MACROD2: variants seen among roughly 807,000 people sequenced by gnomAD.
MACROD2 encodes the protein ADP-ribose glycohydrolase MACROD2.
A neutral mutation model predicts 70.4 loss-of-function variants in MACROD2; 36 were observed. The observed-to-expected ratio is 0.51, with a 90% CI of 0.39 to 0.68. MACROD2 has a LOEUF of 0.68. MACROD2 is among the 30% of genes least tolerant of loss of function. The probability of loss-of-function intolerance (pLI) is 0.00; values close to 1 mark genes in which losing one functional copy is unlikely to be tolerated. For synonymous variants in MACROD2, 172 were observed against 178.8 expected (o/e 0.96, Z 0.30); for missense variants, 496 against 538.4 (o/e 0.92, Z 0.78).
rs187044115 is a variant in MACROD2, at chr20:15,393,504, C to T, written c.541-37901C>T. Among the ~76,000 whole-genome samples, 575 of 152,288 alleles carry T rather than the reference C, an allele frequency of 3.8e-3. 4 individuals carry two copies. The highest frequency in any genetic ancestry group is 5.7e-3 in the Non-Finnish European group (385 of 68,024). On this transcript the variant is annotated intron_variant, in intron 6 of 17. Coordinates refer to ENST00000684519, the MANE Select transcript of MACROD2 (RefSeq NM_001351661.2). ...CCTTTATTCTGTTTGTGCAATCCAT[C>T]TCTTCCACTCAATTTTGCACCTCTA... is the stretch of plus-strand genomic sequence containing the variant.
chr20:15,039,535 A>T (rs970291), intron 5 of MACROD2, among the ~76,000 whole-genome samples: 25,814 of 152,020 alleles, frequency 0.17, 2,844 homozygotes, highest in East Asian at 0.33. Flanking sequence ...AGTATTCTGC[A>T]TGGCCAGGTG....
At chr20:15,742,766 A>C (rs940757412) in intron 8 of MACROD2, among the ~76,000 whole-genome samples, 4 of 152,238 alleles carry the variant, frequency 2.6e-5, no homozygotes, top group African/African-American at 9.6e-5. Context: ...AGCTTTCAAA[A>C]GCCAACAGGT....
At chr20:14,270,763 A>G (rs2082186208) in intron 3 of MACROD2, among the ~76,000 whole-genome samples, 1 of 152,170 alleles carries the variant, frequency 6.6e-6, no homozygotes, top group Admixed American at 6.5e-5. Context: ...TACAGCTCCC[A>G]GCGTGAGTGA....
chr20:15,791,194 G>T (rs1267715555), intron 8 of MACROD2, among the ~76,000 whole-genome samples: 1 of 151,808 alleles, frequency 6.6e-6, no homozygotes, highest in Non-Finnish European at 1.5e-5. Context: ...CTCTCCATTG[G>T]CAAGGCCACT....
At chr20:16,016,164 C>G (rs1173920197) in intron 15 of MACROD2, among the ~76,000 whole-genome samples, 1 of 152,084 alleles carries the variant, frequency 6.6e-6, no homozygotes, top group Non-Finnish European at 1.5e-5. Flanking sequence ...TCTTTTTCCT[C>G]TTAAATTGAC....
At chr20:15,442,108 T>C (rs370395771) in intron 7 of MACROD2, among the ~76,000 whole-genome samples, 6 of 152,296 alleles carry the variant, frequency 3.9e-5, no homozygotes, top group African/African-American at 9.6e-5. Context: ...TTGTACATAC[T>C]TGTGTCTAAA....
intron 8 of MACROD2, among the ~76,000 whole-genome samples, chr20:15,723,464 C>T (rs570255695): frequency 1.1e-4 from 16 of 152,214 alleles, no homozygotes; most frequent in Non-Finnish European, 2.2e-4. Flanking sequence ...TCCCAACCCA[C>T]TGACGATCGC....
intron 4 of MACROD2, among the ~76,000 whole-genome samples, chr20:14,536,985 G>A (rs1036881463): frequency 2.0e-5 from 3 of 152,172 alleles, no homozygotes; most frequent in Admixed American, 6.5e-5. Flanking sequence ...CTGTCTTTGT[G>A]ACTGTAGATT....
At chr20:14,323,130 C>G (rs887980636) in intron 3 of MACROD2, 12 of 152,108 alleles carry the variant, frequency 7.9e-5, no homozygotes, top group African/African-American at 2.9e-4. Context: ...AGTTTAATCC[C>G]AACACTGTCT....
At chr20:15,171,242 C>T (rs1007329206) in intron 5 of MACROD2, among the ~76,000 whole-genome samples, 1 of 151,666 alleles carries the variant, frequency 6.6e-6, no homozygotes, top group Non-Finnish European at 1.5e-5. Flanking sequence ...TCCATCTCCC[C>T]CTCTATTACT....
Position 14,957,325 on chromosome 20 carries a change from TA to T in MACROD2, c.418+272367del, listed in dbSNP as rs530343092. On this transcript the variant is annotated intron_variant, in intron 5 of 17. Coordinates refer to ENST00000684519, the MANE Select transcript of MACROD2 (RefSeq NM_001351661.2). ...TGGAAATTGGAACTGTGTTTATGTA[TA>T]TGTAATACTGAAAAGGAGACGAAAA... Among the ~76,000 whole-genome samples the T allele has an allele frequency of 1.2e-3, 190 of 152,326 alleles. 1 individual carries two copies. Among genetic ancestry groups the T allele is most frequent in the African/African-American group, 4.1e-3 (171 of 41,560 alleles).
chr20:15,859,808 T>G (rs1601007908), intron 8 of MACROD2, among the ~76,000 whole-genome samples: 1 of 85,542 alleles, frequency 1.2e-5, no homozygotes, highest in African/African-American at 3.0e-5. Context: ...AGTTTTGGAC[T>G]TAAATCATTT....
At chr20:15,757,425 C>T (rs2051363815) in intron 8 of MACROD2, among the ~76,000 whole-genome samples, 1 of 151,960 alleles carries the variant, frequency 6.6e-6, no homozygotes, top group African/African-American at 2.4e-5. Context: ...GATTATTAGC[C>T]AGGATGCTGG....
rs148215410 is a variant in MACROD2, at chr20:15,446,214, C to T, written c.571+14779C>T. 4.9e-3 allele frequency among the ~76,000 whole-genome samples: 744 copies of T among 152,244 alleles called. 3 individuals are homozygous for T. The highest frequency in any genetic ancestry group is 0.012 in the South Asian group (60 of 4,824). On this transcript the variant is annotated intron_variant, in intron 7 of 17. Transcript: ENST00000684519. Reference sequence around the variant, plus strand: ...CCCCACCTTCAGCCATTGGGTTCATCATCAGTGACTTCTGAAGACTGACTG... The same window carrying T: ...CCCCACCTTCAGCCATTGGGTTCATTATCAGTGACTTCTGAAGACTGACTG...
chr20:14,126,179 C>T (rs2054647421), intron 3 of MACROD2, among the ~76,000 whole-genome samples: 2 of 152,128 alleles, frequency 1.3e-5, no homozygotes, highest in Admixed American at 6.5e-5. Context: ...AAGATCAGAC[C>T]AGCAGGTTTA....
chr20:14,900,302 G>A (rs117923969), intron 5 of MACROD2, among the ~76,000 whole-genome samples: 1,858 of 152,146 alleles, frequency 0.012, 24 homozygotes, highest in Non-Finnish European at 0.019. Flanking sequence ...TCTAGTTTTA[G>A]TATCCGAATA....
At chr20:15,649,105 CCCCTT>C (rs2049601052) in intron 8 of MACROD2, among the ~76,000 whole-genome samples, 3 of 105,772 alleles carry the variant, frequency 2.8e-5, no homozygotes, top group African/African-American at 7.1e-5. Context: ...CCCCTCCCCT[CCCCTT>C]CCCTCCCCTC....
intron 5 of MACROD2, among the ~76,000 whole-genome samples, chr20:15,009,812 G>A (rs1240604606): frequency 1.4e-5 from 2 of 142,606 alleles, no homozygotes; most frequent in Non-Finnish European, 3.0e-5. Flanking sequence ...ACATTGTTTC[G>A]GCTTAGTTAT....
intron 4 of MACROD2, among the ~76,000 whole-genome samples, chr20:14,618,391 C>G (rs1168852625): frequency 2.0e-5 from 3 of 152,238 alleles, no homozygotes; most frequent in Non-Finnish European, 2.9e-5. Context: ...TAATCTTCAA[C>G]AAATTACTTA....
Sources: allele counts gnomAD v4.1 joint callset (sites outside exome capture counted in the v4.1 genomes callset), GRCh38; gene constraint gnomAD v4.1.1; transcripts MANE v1.5; gene names NCBI Gene and HGNC (gene_info 2026-07-23, HGNC 2026-07-21).